Variants in CPNE1 observed in about 807,000 individuals in gnomAD.
CPNE1 encodes copine-1.
A neutral mutation model predicts 63.2 loss-of-function variants in CPNE1; 58 were observed. That is an observed-to-expected ratio of 0.92 (90% confidence interval 0.74 to 1.14). The LOEUF is 1.14. Among genes scored for constraint, CPNE1 ranks in the 50% most tolerant of loss-of-function variants. CPNE1 has a pLI of 0.00. For synonymous variants in CPNE1, 237 were observed against 249.0 expected (o/e 0.95, Z 0.45); for missense variants, 672 against 661.7 (o/e 1.02, Z -0.17).
At chr20:35,658,419 T>C (rs1295508235) in intron 1 of CPNE1, among the ~76,000 whole-genome samples, 1 of 152,124 alleles carries the variant, frequency 6.6e-6, no homozygotes, top group East Asian at 1.9e-4. Context: ...AAGGAACAAC[T>C]GTTCAAAGCA....
chr20:35,642,373 T>C (rs1196507829), intron 1 of CPNE1, among the ~76,000 whole-genome samples: 1 of 152,176 alleles, frequency 6.6e-6, no homozygotes, highest in Non-Finnish European at 1.5e-5. Flanking sequence ...AAGGTCTGGG[T>C]GGCAGGGCCA....
intron 1 of CPNE1, among the ~76,000 whole-genome samples, chr20:35,641,483 A>G (rs556466809): frequency 6.6e-6 from 1 of 152,232 alleles, no homozygotes; most frequent in Non-Finnish European, 1.5e-5. Flanking sequence ...AATTGATGTC[A>G]TATCTATATA....
intron 1 of CPNE1, chr20:35,654,488 G>A (rs146283014): frequency 1.9e-6 from 3 of 1,614,028 alleles, no homozygotes; most frequent in Non-Finnish European, 2.5e-6. Flanking sequence ...GGATTCAACG[G>A]ACCAAGAAAC....
At chr20:35,662,157 A>G (rs1196664210) in intron 1 of CPNE1, among the ~76,000 whole-genome samples, 3 of 152,186 alleles carry the variant, frequency 2.0e-5, no homozygotes, top group Admixed American at 6.5e-5. Flanking sequence ...ATTAACCTCC[A>G]TTCCGTACTC....
chr20:35,627,187 C>T, intron 14 of CPNE1, 93 bp downstream of exon 14: 1 of 534,078 alleles, frequency 1.9e-6, no homozygotes, highest in Non-Finnish European at 2.5e-6. Context: ...GAGTCCATCT[C>T]AAAAAAAAAA....
chr20:35,650,860 A>C (rs556466760), intron 1 of CPNE1: 2 of 152,698 alleles, frequency 1.3e-5, no homozygotes, highest in South Asian at 4.1e-4. Context: ...AATAGGAAAT[A>C]CTTATTTTAA....
chr20:35,659,053 G>A (rs1290549986), intron 1 of CPNE1: 4 of 700,628 alleles, frequency 5.7e-6, no homozygotes, highest in Non-Finnish European at 1.1e-5. Context: ...ATCAATGCAG[G>A]AAACACAAAA....
intron 1 of CPNE1, among the ~76,000 whole-genome samples, chr20:35,635,723 CCT>C (rs917794269): frequency 6.6e-5 from 10 of 152,256 alleles, no homozygotes; most frequent in Admixed American, 5.9e-4. Context: ...AAAGCTATAC[CCT>C]GAGATGCCTC....
At chr20:35,626,896 C>A in intron 14 of CPNE1, 93 bp from the exon 15 acceptor site, 2 of 1,073,850 alleles carry the variant, frequency 1.9e-6, no homozygotes, top group Non-Finnish European at 1.4e-6. Context: ...ATAAGAAGTC[C>A]CTTGTTACAG....
chr20:35,654,015 C>T (rs1226088696), intron 1 of CPNE1: 1 of 1,614,050 alleles, frequency 6.2e-7, no homozygotes, highest in African/African-American at 1.3e-5. Context: ...CAAATGGTAG[C>T]CCTTTCAAGT....
intron 3 of CPNE1, 54 bp from the exon 4 acceptor site, chr20:35,632,439 C>A: frequency 6.2e-7 from 1 of 1,606,368 alleles, no homozygotes; most frequent in Non-Finnish European, 8.5e-7. Flanking sequence ...TTAGGTCCTG[C>A]TTGCCCCCTA....
rs1395404819 is a variant in CPNE1 at position 35,654,741 on chromosome 20, T to C, written c.-1+10019A>G. The C allele has an allele frequency of 3.1e-6, 5 of 1,613,590 alleles. No individual in the cohort carries two copies. In the Admixed American group the frequency reaches 6.7e-5, roughly 22 times the overall value. ...GCATTGGTGGCAGAGATGGCATCGCTGGAATTGGAGGAATTGGTGGCGGCG... is the reference window on the plus strand; with the variant it reads ...GCATTGGTGGCAGAGATGGCATCGCCGGAATTGGAGGAATTGGTGGCGGCG... On this transcript the variant is annotated intron_variant, in intron 1 of 15. Coordinates refer to ENST00000397443, the MANE Select transcript of CPNE1 (RefSeq NM_152925.3).
intron 1 of CPNE1, chr20:35,653,118 T>C (rs1197932042): frequency 1.2e-6 from 2 of 1,613,756 alleles, no homozygotes; most frequent in South Asian, 1.1e-5. Context: ...GAGGGATTGG[T>C]GGCCCAAAGG....
intron 1 of CPNE1, among the ~76,000 whole-genome samples, chr20:35,663,148 T>C (rs2034328390): frequency 6.6e-6 from 1 of 152,234 alleles, no homozygotes; most frequent in African/African-American, 2.4e-5. Context: ...CTTTTTATAC[T>C]CTTTGAAAAT....
chr20:35,628,802 G>T (rs940263664), intron 13 of CPNE1, among the ~76,000 whole-genome samples: 1 of 152,192 alleles, frequency 6.6e-6, no homozygotes, highest in Non-Finnish European at 1.5e-5. Context: ...CTGGATAATA[G>T]CATAGATGTT....
chr20:35,634,543 G>A (rs964442025), intron 1 of CPNE1, among the ~76,000 whole-genome samples: 13 of 151,856 alleles, frequency 8.6e-5, no homozygotes, highest in Non-Finnish European at 1.8e-4. Context: ...GAAGTAAGCC[G>A]AGATCGCGCC....
At chr20:35,636,174 T>G (rs1044739670) in intron 1 of CPNE1, among the ~76,000 whole-genome samples, 9 of 152,202 alleles carry the variant, frequency 5.9e-5, no homozygotes, top group Non-Finnish European at 1.2e-4. Context: ...GAATGTGGCC[T>G]GCAGACTTCT....
chr20:35,635,651 C>T (rs930052077), intron 1 of CPNE1, among the ~76,000 whole-genome samples: 2 of 152,146 alleles, frequency 1.3e-5, no homozygotes, highest in African/African-American at 4.8e-5. Context: ...AAGACCACTC[C>T]ACCAGCAGTG....
At chr20:35,637,229 C>T (rs772012931) in intron 1 of CPNE1, among the ~76,000 whole-genome samples, 1 of 152,036 alleles carries the variant, frequency 6.6e-6, no homozygotes, top group Non-Finnish European at 1.5e-5. Flanking sequence ...CACTGCTCCA[C>T]CTGGTCATCC....
Sources: allele counts gnomAD v4.1 joint callset (sites outside exome capture counted in the v4.1 genomes callset), GRCh38; gene constraint gnomAD v4.1.1; transcripts MANE v1.5; gene names NCBI Gene and HGNC (gene_info 2026-07-23, HGNC 2026-07-21).